The following CNTN5 variants were observed in gnomAD, a reference collection of about 807,000 sequenced individuals.
CNTN5 encodes contactin 5.
Under a neutral mutation model 129.1 loss-of-function variants are expected in CNTN5, and 77 were observed. The ratio of observed to expected loss-of-function variants is 0.60; its 90% CI spans 0.50 to 0.72. The LOEUF is 0.72. Ranked by LOEUF, CNTN5 falls within the 30% of genes least tolerant of loss-of-function variation. The pLI is 0.00. For missense variants in CNTN5, 1,478 were observed against 1,328.8 expected (o/e 1.11, Z -1.75); for synonymous variants, 509 against 465.6 (o/e 1.09, Z -1.20).
chr11:99,956,153 G>A (rs1386301671), intron 7 of CNTN5, among the ~76,000 whole-genome samples: 1 of 151,800 alleles, frequency 6.6e-6, no homozygotes, highest in Non-Finnish European at 1.5e-5. Context: ...CGTTGTCTTG[G>A]TGGAAGCTTA....
intron 13 of CNTN5, among the ~76,000 whole-genome samples, chr11:100,178,154 C>T (rs1389253612): frequency 6.6e-6 from 1 of 152,128 alleles, no homozygotes; most frequent in Non-Finnish European, 1.5e-5. Flanking sequence ...AGAATAGCAG[C>T]TCTTTTCTTG....
At chr11:99,840,261 T>C (rs2135669469) in intron 4 of CNTN5, among the ~76,000 whole-genome samples, 1 of 152,250 alleles carries the variant, frequency 6.6e-6, no homozygotes, top group East Asian at 1.9e-4. Flanking sequence ...AAAGAAAGAA[T>C]ACATACATCT....
At chr11:99,911,705 C>T (rs1004183301) in intron 6 of CNTN5, among the ~76,000 whole-genome samples, 2 of 150,212 alleles carry the variant, frequency 1.3e-5, no homozygotes, top group Admixed American at 6.7e-5. Flanking sequence ...ACATATAGCT[C>T]ACATTCTACC....
intron 21 of CNTN5, among the ~76,000 whole-genome samples, chr11:100,314,524 C>T (rs1951539959): frequency 6.6e-6 from 1 of 152,078 alleles, no homozygotes; most frequent in African/African-American, 2.4e-5. Context: ...ATGACTGTAT[C>T]CCTGGAATAC....
intron 2 of CNTN5, among the ~76,000 whole-genome samples, chr11:99,527,814 A>C (rs556683631): frequency 6.6e-6 from 1 of 152,288 alleles, no homozygotes; most frequent in African/African-American, 2.4e-5. Flanking sequence ...GTTGGAAAAA[A>C]TTTATTATCT....
At chr11:100,345,816 G>T (rs1375978029) in intron 23 of CNTN5, among the ~76,000 whole-genome samples, 1 of 152,080 alleles carries the variant, frequency 6.6e-6, no homozygotes, top group South Asian at 2.1e-4. Context: ...AAGAAATCCA[G>T]ATTTAATAGT....
chr11:99,238,767 C>T (rs937267539), intron 1 of CNTN5, among the ~76,000 whole-genome samples: 2 of 152,104 alleles, frequency 1.3e-5, no homozygotes, highest in African/African-American at 4.8e-5. Flanking sequence ...AGTGCATGAT[C>T]TGCATCTCAG....
At chr11:99,957,766 T>A (rs887232734) in intron 8 of CNTN5, among the ~76,000 whole-genome samples, 3 of 152,122 alleles carry the variant, frequency 2.0e-5, no homozygotes, top group Non-Finnish European at 4.4e-5. Flanking sequence ...TTCATATGCT[T>A]GGTTTTAGAA....
chr11:99,447,616 T>C (rs1043353843), intron 2 of CNTN5, among the ~76,000 whole-genome samples: 1 of 152,176 alleles, frequency 6.6e-6, no homozygotes, highest in Non-Finnish European at 1.5e-5. Flanking sequence ...AATCAATATG[T>C]GTAAAGTATT....
At position 99,343,605 on chromosome 11, in the gene CNTN5, G is replaced by C. The variant is rs140389185; in HGVS notation, c.-71+18121G>C. Among the ~76,000 whole-genome samples the C allele has an allele frequency of 3.2e-3, 492 of 152,108 alleles. 5 individuals are homozygous for C. Among genetic ancestry groups the C allele is most frequent in the African/African-American group, 0.011 (465 of 41,496 alleles). The stretch of plus-strand genomic sequence containing the variant: ...AATTTATATTATTGTGTTATACGTC[G>C]ATCTCTGTATCTATACCTTCTAATA... On this transcript the variant is annotated intron_variant, in intron 2 of 24. Transcript: ENST00000524871.
intron 3 of CNTN5, among the ~76,000 whole-genome samples, chr11:99,645,402 G>A (rs1951921835): frequency 6.6e-6 from 1 of 151,924 alleles, no homozygotes; most frequent in Non-Finnish European, 1.5e-5. Flanking sequence ...GGGATTGCTG[G>A]GTCAGATGGT....
At chr11:100,236,184 G>C (rs6590679) in intron 16 of CNTN5, among the ~76,000 whole-genome samples, 106,368 of 152,000 alleles carry the variant, frequency 0.7, 37,346 homozygotes, top group Admixed American at 0.77. Context: ...AATAAACAAG[G>C]CTGTTTAAGA....
chr11:99,595,386 G>A (rs1391890779), intron 3 of CNTN5, among the ~76,000 whole-genome samples: 1 of 152,010 alleles, frequency 6.6e-6, no homozygotes, highest in Non-Finnish European at 1.5e-5. Flanking sequence ...ATATTTTTAT[G>A]TATTTCCTTA....
rs554758321 is a variant in CNTN5 at position 99,719,043 on chromosome 11, G to A, written c.56-100501G>A. ...ATATTAAGACCATAACAGAGAGCGG[G>A]TGTGGTGTCTCACGCCTGTAATTCC... On this transcript the variant is annotated intron_variant, in intron 3 of 24. Transcript: ENST00000524871. Among the ~76,000 whole-genome samples the A allele has an allele frequency of 2.6e-4, 40 of 152,230 alleles. 1 individual carries two copies. The South Asian group carries it at 7.9e-3, about 30-fold the overall frequency.
Position 100,068,779 on chromosome 11 carries a change from A to G in CNTN5, c.1163-1645A>G, listed in dbSNP as rs574741504. Among the ~76,000 whole-genome samples the G allele has an allele frequency of 1.2e-4, 19 of 152,298 alleles. 1 individual carries two copies. The highest frequency in any genetic ancestry group is 9.2e-4 in the Admixed American group (14 of 15,282). The stretch of plus-strand genomic sequence containing the variant: ...ACAGAATGTATTCCAAGGTCTACAA[A>G]TCCTGACTATGCTATGCCAAAGTGG... On this transcript the variant is annotated intron_variant, in intron 10 of 24. Transcript: ENST00000524871.
intron 6 of CNTN5, among the ~76,000 whole-genome samples, chr11:99,913,512 T>C (rs1230617247): frequency 6.6e-6 from 1 of 152,020 alleles, no homozygotes; most frequent in African/African-American, 2.4e-5. Flanking sequence ...GGTGCTAAAG[T>C]TCCCAGGAAA....
chr11:99,172,475 A>T (rs2135544020), intron 1 of CNTN5, among the ~76,000 whole-genome samples: 1 of 152,310 alleles, frequency 6.6e-6, no homozygotes, highest in South Asian at 2.1e-4. Flanking sequence ...TTATTGAGAC[A>T]TCTGTGGAAT....
chr11:99,542,315 C>A (rs1948145487), intron 2 of CNTN5, among the ~76,000 whole-genome samples: 1 of 152,100 alleles, frequency 6.6e-6, no homozygotes, highest in Admixed American at 6.6e-5. Context: ...TCTTCCCATG[C>A]CTCCTCCCTT....
intron 4 of CNTN5, among the ~76,000 whole-genome samples, chr11:99,826,412 C>T (rs1158611868): frequency 6.6e-6 from 1 of 152,112 alleles, no homozygotes; most frequent in East Asian, 1.9e-4. Flanking sequence ...TGTACTGTAG[C>T]CTCACATGCT....
Sources: gnomAD v4.1 joint callset for allele counts (sites outside exome capture counted in the v4.1 genomes callset) on GRCh38, gnomAD v4.1.1 for gene constraint, MANE v1.5 for transcripts, NCBI Gene and HGNC (gene_info 2026-07-23, HGNC 2026-07-21) for gene names.